The following DACH1 variants were observed in gnomAD, a reference collection of about 807,000 sequenced individuals.
DACH1 encodes the protein dachshund homolog 1.
Under a neutral mutation model 54.2 loss-of-function variants are expected in DACH1, and 12 were observed. The observed-to-expected ratio is 0.22, with a 90% CI of 0.14 to 0.36. The LOEUF is 0.36. Among genes scored for constraint, DACH1 ranks in the 10% least tolerant of loss-of-function variants. DACH1 has a pLI of 1.00. For missense variants in DACH1, 805 were observed against 929.8 expected (o/e 0.87, Z 1.75); for synonymous variants, 386 against 366.2 (o/e 1.05, Z -0.62).
Position 71,866,278 on chromosome 13 carries a change from G to A in DACH1, c.492C>T (p.Cys164=). 1 of 1,584,648 alleles carries A rather than the reference G, an allele frequency of 6.3e-7. No homozygotes were observed. The highest frequency in any genetic ancestry group is 2.3e-5 in the East Asian group (1 of 43,264). Residue 164 remains cysteine (C), a synonymous_variant, in exon 1 of 11, where the codon TGC becomes TGT. Transcript: ENST00000613252. The part of the protein sequence containing the change: ...SSSSSSSSSS[C]GPLPGKPVYS... ...ACACGGGTTTCCCGGGGAGGGGGCC[G>A]CAGCTGCTGCTGCTACTGCTGCTGC...
intron 1 of DACH1, among the ~76,000 whole-genome samples, chr13:71,749,011 A>C: frequency 6.8e-6 from 1 of 146,028 alleles, no homozygotes; most frequent in East Asian, 2.0e-4. Context: ...TTCAGATGGA[A>C]TCTCACTCTG....
chr13:71,696,627 A>T (rs1342099437), intron 1 of DACH1, among the ~76,000 whole-genome samples: 1 of 151,904 alleles, frequency 6.6e-6, no homozygotes, highest in Non-Finnish European at 1.5e-5. Context: ...GGCTCACTAC[A>T]ACCTCTGCCT....
chr13:71,466,846 A>AAAAG (rs386379699), intron 10 of DACH1, among the ~76,000 whole-genome samples: 16 of 3,998 alleles, frequency 4.0e-3, no homozygotes, highest in Non-Finnish European at 0.024. Context: ...ACCCTGTCTC[A>AAAAG]AAAAAAAAAA....
At chr13:71,615,339 T>C (rs889630800) in intron 3 of DACH1, among the ~76,000 whole-genome samples, 1 of 152,236 alleles carries the variant, frequency 6.6e-6, no homozygotes, top group Non-Finnish European at 1.5e-5. Flanking sequence ...TAATGACCAC[T>C]GTTCTTCGGT....
intron 1 of DACH1, among the ~76,000 whole-genome samples, chr13:71,813,888 C>A (rs61956389): frequency 0.12 from 17,550 of 152,186 alleles, 1,384 homozygotes; most frequent in Middle Eastern, 0.21. Context: ...ATGAAGATAT[C>A]TATCCAATGT....
chr13:71,857,594 C>T (rs1009636373), intron 1 of DACH1, among the ~76,000 whole-genome samples: 2 of 151,594 alleles, frequency 1.3e-5, no homozygotes, highest in African/African-American at 4.8e-5. Flanking sequence ...AAATATCCAC[C>T]ACAGAGTTCT....
intron 3 of DACH1, among the ~76,000 whole-genome samples, chr13:71,603,594 T>C (rs1294270556): frequency 6.6e-6 from 1 of 151,982 alleles, no homozygotes; most frequent in African/African-American, 2.4e-5. Context: ...TATTCAGAGG[T>C]GTATAACTTG....
chr13:71,584,892 G>C (rs536974087), intron 3 of DACH1, among the ~76,000 whole-genome samples: 24 of 151,888 alleles, frequency 1.6e-4, no homozygotes, highest in Middle Eastern at 6.8e-3. Flanking sequence ...AGCAAACAAA[G>C]AAATAGAGCA....
intron 1 of DACH1, among the ~76,000 whole-genome samples, chr13:71,780,485 G>A (rs1337990619): frequency 1.3e-5 from 2 of 151,518 alleles, no homozygotes; most frequent in African/African-American, 2.4e-5. Context: ...CAAATAACAC[G>A]GTATGAAACA....
Position 71,489,097 on chromosome 13 carries a change from G to C in DACH1, c.1622C>G (p.Ser541Cys), listed in dbSNP as rs991577883. 6.2e-6 allele frequency: 10 copies of C among 1,613,840 alleles called. No homozygotes were observed. The highest frequency in any genetic ancestry group is 2.2e-5 in the East Asian group (1 of 44,866). Reference sequence around the variant, plus strand: ...CAGTGGTTGTCCATGCCCAGTTAGAGAGAGTTTGTCAAGGCTGTCTCTTGC... The same window carrying C: ...CAGTGGTTGTCCATGCCCAGTTAGACAGAGTTTGTCAAGGCTGTCTCTTGC... ...PTARDSLDKLSLTGHGQPLPP... is the reference protein window; with the variant it reads ...PTARDSLDKLCLTGHGQPLPP... The change falls in exon 7 of 11, where the codon TCT becomes TGT. Residue 541 changes from serine to cysteine, a missense_variant. Ser to Cys is a moderately radical substitution (Grantham distance 112). Transcript: ENST00000613252.
chr13:71,470,250 C>T (rs2138160003), intron 10 of DACH1, among the ~76,000 whole-genome samples: 1 of 151,776 alleles, frequency 6.6e-6, no homozygotes, highest in Middle Eastern at 3.4e-3. Flanking sequence ...AGAATAAACA[C>T]ATCCTGTTAA....
chr13:71,441,131 C>T (rs1873973452), intron 10 of DACH1, among the ~76,000 whole-genome samples: 1 of 151,956 alleles, frequency 6.6e-6, no homozygotes, highest in African/African-American at 2.4e-5. Flanking sequence ...TTAAATATAC[C>T]ATGTAATGTA....
At chr13:71,693,277 C>T (rs1379560960) in intron 1 of DACH1, among the ~76,000 whole-genome samples, 1 of 148,272 alleles carries the variant, frequency 6.7e-6, no homozygotes, top group Non-Finnish European at 1.5e-5. Context: ...TGATAATACC[C>T]TCTTATCCAT....
intron 1 of DACH1, among the ~76,000 whole-genome samples, chr13:71,773,055 A>G (rs1204509322): frequency 2.0e-5 from 3 of 151,756 alleles, no homozygotes; most frequent in Non-Finnish European, 4.4e-5. Flanking sequence ...TGCTGCAATG[A>G]TTATCCCTAA....
chr13:71,499,539 G>C (rs1879737901), intron 6 of DACH1, among the ~76,000 whole-genome samples: 1 of 152,082 alleles, frequency 6.6e-6, no homozygotes, highest in East Asian at 1.9e-4. Flanking sequence ...TTGCCTGTTA[G>C]TGATAACATC....
At chr13:71,452,206 T>C (rs1200739400) in intron 10 of DACH1, among the ~76,000 whole-genome samples, 3 of 152,160 alleles carry the variant, frequency 2.0e-5, no homozygotes, top group Admixed American at 2.0e-4. Context: ...CTCATCTCAC[T>C]GCAACCTCCG....
chr13:71,710,496 ATGTG>A (rs1345967088), intron 1 of DACH1, among the ~76,000 whole-genome samples: 1 of 133,440 alleles, frequency 7.5e-6, no homozygotes, highest in East Asian at 2.2e-4. Flanking sequence ...GTGTGTGTTT[ATGTG>A]TGTGTGTGTG....
chr13:71,530,968 C>CTT (rs1882376201), intron 6 of DACH1, among the ~76,000 whole-genome samples: 1 of 151,944 alleles, frequency 6.6e-6, no homozygotes, highest in African/African-American at 2.4e-5. Flanking sequence ...TTCTTCCCTT[C>CTT]TTATGATCAA....
chr13:71,571,860 C>T (rs976472061), intron 4 of DACH1, among the ~76,000 whole-genome samples: 11 of 151,762 alleles, frequency 7.2e-5, no homozygotes, highest in African/African-American at 1.9e-4. Flanking sequence ...CTCAGGCTTC[C>T]GAGTAGCTGG....
Sources: allele counts gnomAD v4.1 joint callset (sites outside exome capture counted in the v4.1 genomes callset), GRCh38; gene constraint gnomAD v4.1.1; transcripts MANE v1.5; gene names NCBI Gene and HGNC (gene_info 2026-07-23, HGNC 2026-07-21).